The following INSL3 variants were observed in gnomAD, a reference collection of about 807,000 sequenced individuals.
INSL3 encodes the protein insulin like 3.
A neutral mutation model predicts 5.5 loss-of-function variants in INSL3; 6 were observed. That is an observed-to-expected ratio of 1.08 (90% CI 0.59 to 2.14). INSL3 has a LOEUF of 2.14. Among genes scored for constraint, INSL3 ranks in the 30% most tolerant of loss-of-function variants. INSL3 has a pLI of 0.00. For synonymous variants in INSL3, 86 were observed against 82.1 expected (o/e 1.05, Z -0.26); for missense variants, 178 against 184.7 (o/e 0.96, Z 0.21).
intron 1 of INSL3, among the ~76,000 whole-genome samples, chr19:17,817,963 G>A (rs2094190361): frequency 6.6e-6 from 1 of 151,988 alleles, no homozygotes; most frequent in Non-Finnish European, 1.5e-5. Context: ...GGAGTGTCGG[G>A]GGTCTTGGAG....
At chr19:17,817,910 G>A (rs189239326) in intron 1 of INSL3, among the ~76,000 whole-genome samples, 28 of 150,486 alleles carry the variant, frequency 1.9e-4, no homozygotes, top group Admixed American at 1.2e-3. Flanking sequence ...CCCCAGCTGC[G>A]TGGGTCCCCA....
At position 17,821,405 on chromosome 19, in the gene INSL3, G is replaced by A. The variant is rs772318447; in HGVS notation, c.102C>T (p.Cys34=). 3.1e-5 allele frequency: 48 copies of A among 1,547,930 alleles called. No homozygotes were observed. The African/African-American group carries it at 4.9e-4, about 16-fold the overall frequency. Residue 34 remains cysteine, a synonymous_variant, in exon 1 of 2, where the codon TGC becomes TGT. Transcript: ENST00000317306. ...APTPEMREKL[C]GHHFVRALVR... ...CTAGCGCGCGTACGAAGTGGTGGCC[G>A]CACAACTTCTCACGCATCTCTGGGG... is the stretch of plus-strand genomic sequence containing the variant.
In INSL3 at chr19:17,820,494, C is replaced by T. The variant is rs118110042; in HGVS notation, c.190+823G>A. 7.3e-3 allele frequency: 2,046 copies of T among 279,456 alleles called. 17 individuals carry two copies. The highest frequency in any genetic ancestry group is 0.022 in the South Asian group (781 of 34,954). 17.3% of individuals were successfully genotyped at this position (279,456 alleles called of 1,614,324 possible). ...GAAACAGAGTGAGACTCCCTCTCTACGAAAAAGAAAAAAAAATTAGCTGGG... is the reference window on the plus strand; with the variant it reads ...GAAACAGAGTGAGACTCCCTCTCTATGAAAAAGAAAAAAAAATTAGCTGGG... On this transcript the variant is annotated intron_variant, in intron 1 of 1. Coordinates refer to ENST00000317306, the MANE Select transcript of INSL3 (RefSeq NM_005543.4).
Position 17,817,075 on chromosome 19 carries a change from AACTC to A in INSL3, c.191-20_191-17del. The A allele has an allele frequency of 6.2e-7, 1 of 1,610,704 alleles. No homozygotes were observed. Among genetic ancestry groups the A allele is most frequent in the South Asian group, 1.1e-5 (1 of 90,822 alleles). On this transcript the variant is annotated splice_polypyrimidine_tract_variant and intron_variant, in intron 1 of 1. Transcript: ENST00000317306. Reference sequence around the variant, plus strand: ...AGCAACTCACCTGGGGACAGAGTGAAACTCAGCTGGAACGGAAACGACAGAGGAC... The same window carrying A: ...AGCAACTCACCTGGGGACAGAGTGAAAGCTGGAACGGAAACGACAGAGGAC...
At chr19:17,817,142 A>T in intron 1 of INSL3, 83 bp from the exon 2 acceptor site, 2 of 1,327,218 alleles carry the variant, frequency 1.5e-6, no homozygotes, top group Non-Finnish European at 2.1e-6. Flanking sequence ...ATCCACACAC[A>T]TCCCACTGAG....
In INSL3 at chr19:17,816,910, A is replaced by G; in HGVS notation, c.340T>C (p.Tyr114His). 1 of 1,614,130 alleles carries G rather than the reference A, an allele frequency of 6.2e-7. No homozygotes were observed. ...TGGGTACAGCCACTGAGGCAGCAGT[A>G]GCGTGCAGGGTTGGTGGCAGCTGCA... ...HRAAATNPAR[Y>H]CCLSGCTQQD... The change falls in exon 2 of 2, where the codon TAC becomes CAC. Residue 114 changes from tyrosine to histidine, a missense_variant. By Grantham distance (83) the Tyr-to-His change is moderately conservative (BLOSUM62 2). Transcript: ENST00000317306.
intron 1 of INSL3, among the ~76,000 whole-genome samples, chr19:17,819,790 C>G (rs1397771541): frequency 6.6e-6 from 1 of 151,378 alleles, no homozygotes; most frequent in African/African-American, 2.4e-5. Flanking sequence ...TGCAGTGAGC[C>G]GAGATCACAC....
At chr19:17,820,811 C>T (rs985529756) in intron 1 of INSL3, among the ~76,000 whole-genome samples, 1 of 121,914 alleles carries the variant, frequency 8.2e-6, no homozygotes, top group African/African-American at 3.4e-5. Flanking sequence ...GCTCTGAGGA[C>T]TTTCTTTTTT....
At position 17,817,028 on chromosome 19, in the gene INSL3, A is replaced by C; in HGVS notation, c.222T>G (p.His74Gln). Reference protein sequence around the residue: ...RELLQWLERRHLLHGLVADSN... With the variant: ...RELLQWLERRQLLHGLVADSN... ...TGTCGGCCACCAGCCCATGGAGCAG[A>C]TGTCGTCTCTCCAGCCACTGTAGCA... The change falls in exon 2 of 2, where the codon CAT becomes CAG. Residue 74 changes from histidine (H) to glutamine (Q), a missense_variant. Transcript: ENST00000317306. The C allele has an allele frequency of 6.2e-7, 1 of 1,613,654 alleles. No individual in the cohort carries two copies. Among genetic ancestry groups the C allele is most frequent in the Non-Finnish European group, 8.5e-7 (1 of 1,179,878 alleles).
At chr19:17,818,671 C>G in intron 1 of INSL3, among the ~76,000 whole-genome samples, 1 of 151,898 alleles carries the variant, frequency 6.6e-6, no homozygotes, top group East Asian at 1.9e-4. Context: ...TCTACCCAAT[C>G]TGCAGTTTAC....
At chr19:17,819,837 A>G (rs1240698711) in intron 1 of INSL3, among the ~76,000 whole-genome samples, 1 of 151,646 alleles carries the variant, frequency 6.6e-6, no homozygotes, top group Non-Finnish European at 1.5e-5. Context: ...GCGAGACTCA[A>G]TGTCAAAACA....
Position 17,821,405 on chromosome 19 carries a change from G to T in INSL3, c.102C>A (p.Cys34Ter), listed in dbSNP as rs772318447. The T allele has an allele frequency of 3.9e-6, 6 of 1,547,812 alleles. No homozygotes were observed. In the East Asian group the frequency reaches 1.2e-4, roughly 32 times the overall value. ...CTAGCGCGCGTACGAAGTGGTGGCC[G>T]CACAACTTCTCACGCATCTCTGGGG... is the stretch of plus-strand genomic sequence containing the variant. ...APTPEMREKL[C>*]GHHFVRALVR... Residue 34 changes from cysteine (C) to a stop codon, truncating the protein, a stop_gained, in exon 1 of 2, where the codon TGC becomes TGA. Transcript: ENST00000317306. LOFTEE classifies it high-confidence loss of function.
At chr19:17,819,699 GGGCTTGGT>G (rs1421610287) in intron 1 of INSL3, among the ~76,000 whole-genome samples, 1 of 152,098 alleles carries the variant, frequency 6.6e-6, no homozygotes, top group African/African-American at 2.4e-5. Flanking sequence ...AAATTTAGCT[GGGCTTGGT>G]GGCAGGCGCC....
chr19:17,817,176 G>C, intron 1 of INSL3, 117 bp from the exon 2 acceptor site: 1 of 1,058,670 alleles, frequency 9.4e-7, no homozygotes. Flanking sequence ...ACTCATGCAT[G>C]CAGATAAAAA....
At position 17,817,345 on chromosome 19, in the gene INSL3, T is replaced by C. The variant is rs542965003; in HGVS notation, c.191-286A>G. On this transcript the variant is annotated intron_variant, in intron 1 of 1. Transcript: ENST00000317306. ...AAAAACAACCAAAAAATTAGCCGGG[T>C]GTGGTGGCGGGCGCCTGTAGTCCCA... is the stretch of plus-strand genomic sequence containing the variant. Among the ~76,000 whole-genome samples, 147 of 142,142 alleles carry C rather than the reference T, an allele frequency of 1.0e-3. 3 individuals are homozygous for C. Among genetic ancestry groups the C allele is most frequent in the Admixed American group, 3.2e-3 (45 of 14,040 alleles). 93.3% of individuals were successfully genotyped at this position (142,142 alleles called of 152,430 possible).
Position 17,816,774 on chromosome 19 carries a change from TG to T in INSL3, c.*79del. On this transcript the variant is annotated 3_prime_UTR_variant, in exon 2 of 2. Transcript: ENST00000317306. ...AAAGGCCTGTAGATGCGAGACTTTATGGTGCTGTGTGGCCTCAGGAGCTCAC... is the reference window on the plus strand; with the variant it reads ...AAAGGCCTGTAGATGCGAGACTTTATGTGCTGTGTGGCCTCAGGAGCTCAC... The T allele has an allele frequency of 7.3e-7, 1 of 1,372,400 alleles. No homozygotes were observed. Among genetic ancestry groups the T allele is most frequent in the Non-Finnish European group, 1.0e-6 (1 of 968,352 alleles). 85.0% of individuals were successfully genotyped at this position (1,372,400 alleles called of 1,614,324 possible).
chr19:17,820,314 A>G, intron 1 of INSL3: 1 of 344,092 alleles, frequency 2.9e-6, no homozygotes, highest in Non-Finnish European at 5.5e-6. Context: ...AAATAATAAA[A>G]TAAAGTAACA....
At chr19:17,821,236 C>T in intron 1 of INSL3, 81 bp downstream of exon 1, 1 of 1,471,742 alleles carries the variant, frequency 6.8e-7, no homozygotes, top group Non-Finnish European at 9.2e-7. Context: ...TGCCCACCTC[C>T]CTGCACGTGT....
intron 1 of INSL3, among the ~76,000 whole-genome samples, chr19:17,817,398 T>A (rs1338670795): frequency 1.4e-5 from 2 of 145,320 alleles, no homozygotes; most frequent in African/African-American, 2.6e-5. Flanking sequence ...GGCAGGAGAA[T>A]GACGTGAACC....
Sources: gnomAD v4.1 joint callset for allele counts (sites outside exome capture counted in the v4.1 genomes callset) on GRCh38, gnomAD v4.1.1 for gene constraint, MANE v1.5 for transcripts, NCBI Gene and HGNC (gene_info 2026-07-23, HGNC 2026-07-21) for gene names.